SLC25A21: variants seen among roughly 807,000 people sequenced by gnomAD.
SLC25A21 encodes the protein mitochondrial 2-oxodicarboxylate carrier.
SLC25A21 carries 47 observed loss-of-function variants against 43.8 expected under a neutral mutation model. The observed-to-expected ratio is 1.07, with a 90% CI of 0.85 to 1.37. SLC25A21 has a LOEUF of 1.37. Among genes scored for constraint, SLC25A21 ranks in the 40% most tolerant of loss-of-function variants. SLC25A21 has a pLI of 0.00. For synonymous variants in SLC25A21, 131 were observed against 121.3 expected (o/e 1.08, Z -0.52); for missense variants, 352 against 350.2 (o/e 1.00, Z -0.04).
At chr14:37,125,457 T>A (rs1963281390) in intron 1 of SLC25A21, among the ~76,000 whole-genome samples, 1 of 152,194 alleles carries the variant, frequency 6.6e-6, no homozygotes, top group Non-Finnish European at 1.5e-5. Flanking sequence ...GTGGAATAGA[T>A]GATCTCCAAG....
At chr14:36,765,187 G>A (rs1013301353) in intron 3 of SLC25A21, among the ~76,000 whole-genome samples, 7 of 152,184 alleles carry the variant, frequency 4.6e-5, no homozygotes, top group African/African-American at 1.7e-4. Context: ...ACTAATCTGA[G>A]GCTGCCATGC....
intron 1 of SLC25A21, among the ~76,000 whole-genome samples, chr14:37,134,123 A>C (rs1963437984): frequency 6.6e-6 from 1 of 152,186 alleles, no homozygotes; most frequent in African/African-American, 2.4e-5. Flanking sequence ...CAAAATGGAG[A>C]GAGGGAGGTG....
intron 3 of SLC25A21, among the ~76,000 whole-genome samples, chr14:36,754,025 A>AT (rs1386762477): frequency 1.3e-5 from 2 of 152,040 alleles, no homozygotes; most frequent in Non-Finnish European, 2.9e-5. Context: ...TCCCAGATCC[A>AT]TTTTTTGGAA....
intron 8 of SLC25A21, 30 bp downstream of exon 8, chr14:36,684,714 A>T (rs1231107565): frequency 5.1e-6 from 8 of 1,578,080 alleles, no homozygotes; most frequent in Non-Finnish European, 6.9e-6. Context: ...AGCCTCATAC[A>T]TTTATTAAAA....
intron 1 of SLC25A21, among the ~76,000 whole-genome samples, chr14:36,981,972 G>T (rs1334859436): frequency 1.3e-5 from 2 of 152,064 alleles, no homozygotes; most frequent in Admixed American, 6.5e-5. Flanking sequence ...TGATTGTTTT[G>T]GTGTCATGCA....
rs558534751 is a variant in SLC25A21, at chr14:36,731,987, C to T, written c.271-2421G>A. On this transcript the variant is annotated intron_variant, in intron 4 of 9. Coordinates refer to ENST00000331299, the MANE Select transcript of SLC25A21 (RefSeq NM_030631.4). The stretch of plus-strand genomic sequence containing the variant: ...CACAGGGCTCATTTCATTTGTTTTC[C>T]ATTTCTCAGGCATTTCCAGCCTTCA... Among the ~76,000 whole-genome samples, 13 of 152,184 alleles carry T rather than the reference C, an allele frequency of 8.5e-5. No homozygotes were observed. In the East Asian group the frequency reaches 2.1e-3, roughly 25 times the overall value.
At chr14:37,055,384 A>C (rs988375229) in intron 1 of SLC25A21, among the ~76,000 whole-genome samples, 1 of 152,204 alleles carries the variant, frequency 6.6e-6, no homozygotes, top group African/African-American at 2.4e-5. Flanking sequence ...GAAGTAGATC[A>C]TATGTGGCCA....
intron 1 of SLC25A21, among the ~76,000 whole-genome samples, chr14:36,969,006 C>T (rs12590281): frequency 0.1 from 15,817 of 152,112 alleles, 2,242 homozygotes; most frequent in African/African-American, 0.32. Context: ...TGAGTTCATT[C>T]AGGCTTTAAT....
At chr14:37,082,070 A>G (rs1962398955) in intron 1 of SLC25A21, among the ~76,000 whole-genome samples, 1 of 152,242 alleles carries the variant, frequency 6.6e-6, no homozygotes, top group South Asian at 2.1e-4. Context: ...GAATGAAATC[A>G]TGTCCTTTGC....
chr14:36,834,216 C>T (rs1190141071), intron 2 of SLC25A21, among the ~76,000 whole-genome samples: 1 of 152,198 alleles, frequency 6.6e-6, no homozygotes, highest in African/African-American at 2.4e-5. Flanking sequence ...TAAACTGCAA[C>T]TAGGTAAACT....
chr14:37,126,424 C>T (rs1461960931), intron 1 of SLC25A21, among the ~76,000 whole-genome samples: 1 of 151,216 alleles, frequency 6.6e-6, no homozygotes, highest in Non-Finnish European at 1.5e-5. Flanking sequence ...AAATTAAGGG[C>T]TTCTGTGGAA....
intron 1 of SLC25A21, among the ~76,000 whole-genome samples, chr14:37,147,995 A>G (rs1244837578): frequency 6.7e-6 from 1 of 150,230 alleles, no homozygotes; most frequent in African/African-American, 2.4e-5. Flanking sequence ...TCACCACCAC[A>G]CCTGGCTGAT....
rs188250787 is a variant in SLC25A21, at chr14:37,143,549, A to G, written c.70+28732T>C. ...GTGTAAACAATAAAACAGCTGCTTA[A>G]AGCCCAGGTAAAAGGCATTTTAATG... is the stretch of plus-strand genomic sequence containing the variant. On this transcript the variant is annotated intron_variant, in intron 1 of 9. Transcript: ENST00000331299. 1.4e-3 allele frequency among the ~76,000 whole-genome samples: 212 copies of G among 152,132 alleles called. 1 individual carries two copies. Among genetic ancestry groups the G allele is most frequent in the South Asian group, 2.7e-3 (13 of 4,822 alleles).
At chr14:37,007,623 A>AT (rs1555341712) in intron 1 of SLC25A21, among the ~76,000 whole-genome samples, 1 of 151,378 alleles carries the variant, frequency 6.6e-6, no homozygotes, top group Non-Finnish European at 1.5e-5. Flanking sequence ...AATAATAATA[A>AT]AGAACTTTGA....
chr14:37,137,245 C>T (rs1034534262), intron 1 of SLC25A21, among the ~76,000 whole-genome samples: 1 of 152,190 alleles, frequency 6.6e-6, no homozygotes, highest in African/African-American at 2.4e-5. Flanking sequence ...GATCCGCCCG[C>T]CTCGGCCTCC....
intron 6 of SLC25A21, among the ~76,000 whole-genome samples, chr14:36,721,310 T>C (rs1306278374): frequency 6.6e-6 from 1 of 152,222 alleles, no homozygotes; most frequent in Non-Finnish European, 1.5e-5. Context: ...ACATGGCTAT[T>C]ACTATTATTT....
intron 1 of SLC25A21, among the ~76,000 whole-genome samples, chr14:36,994,356 T>C (rs929260481): frequency 3.3e-5 from 5 of 152,222 alleles, no homozygotes; most frequent in African/African-American, 1.2e-4. Context: ...GATTTCCTTG[T>C]GGGAAGGAAG....
chr14:36,706,812 C>T (rs547231547), intron 7 of SLC25A21, among the ~76,000 whole-genome samples: 17 of 152,300 alleles, frequency 1.1e-4, no homozygotes, highest in African/African-American at 2.4e-4. Context: ...GTCCAAGACC[C>T]CACCACTTTG....
chr14:36,920,628 C>A (rs539428014), intron 1 of SLC25A21, among the ~76,000 whole-genome samples: 1 of 152,192 alleles, frequency 6.6e-6, no homozygotes, highest in East Asian at 1.9e-4. Context: ...AGTGATGCTA[C>A]TCTGAATGAA....
Sources: allele counts gnomAD v4.1 joint callset (sites outside exome capture counted in the v4.1 genomes callset), GRCh38; gene constraint gnomAD v4.1.1; transcripts MANE v1.5; gene names NCBI Gene and HGNC (gene_info 2026-07-23, HGNC 2026-07-21).